CHN2: variants seen among roughly 807,000 people sequenced by gnomAD.
The protein encoded by CHN2 is beta-chimaerin.
A neutral mutation model predicts 56.3 loss-of-function variants in CHN2; 35 were observed. The observed-to-expected ratio is 0.62, with a 90% confidence interval of 0.47 to 0.82. CHN2 has a LOEUF of 0.82. Ranked by LOEUF, CHN2 falls within the 40% of genes least tolerant of loss-of-function variation. CHN2 has a pLI of 0.00. For missense variants in CHN2, 491 were observed against 580.5 expected (o/e 0.85, Z 1.58); for synonymous variants, 210 against 212.8 (o/e 0.99, Z 0.12).
At chr7:29,221,057 A>C (rs1785755231) in intron 1 of CHN2, among the ~76,000 whole-genome samples, 1 of 152,218 alleles carries the variant, frequency 6.6e-6, no homozygotes, top group Non-Finnish European at 1.5e-5. Flanking sequence ...TTGATTCCGC[A>C]CTTGGTTATA....
At chr7:29,287,526 G>A (rs1263186500) in intron 1 of CHN2, among the ~76,000 whole-genome samples, 1 of 152,190 alleles carries the variant, frequency 6.6e-6, no homozygotes, top group African/African-American at 2.4e-5. Flanking sequence ...GTGAGGGTCA[G>A]GTGAGTCATG....
chr7:29,417,353 T>A (rs1459436343), intron 6 of CHN2, among the ~76,000 whole-genome samples: 11 of 110,986 alleles, frequency 9.9e-5, no homozygotes, highest in Admixed American at 3.9e-4. Flanking sequence ...TTTTTTTTTT[T>A]AAGACAGAGT....
intron 2 of CHN2, among the ~76,000 whole-genome samples, chr7:29,364,138 C>G (rs982465425): frequency 7.9e-5 from 12 of 152,196 alleles, no homozygotes; most frequent in Admixed American, 6.5e-4. Flanking sequence ...GATAATGACA[C>G]AAAGTTATTT....
rs576428865 is a variant in CHN2, at chr7:29,338,959, A to G, written c.50-15666A>G. ...AAAGACTATTAATAAAGGCTAAGAT[A>G]TCTACATGATATCTGTCAAAATTAT... On this transcript the variant is annotated intron_variant, in intron 1 of 12. Coordinates refer to ENST00000222792, the MANE Select transcript of CHN2 (RefSeq NM_004067.4). Among the ~76,000 whole-genome samples the G allele has an allele frequency of 1.2e-4, 18 of 152,344 alleles. No homozygotes were observed. In the East Asian group the frequency reaches 1.5e-3, roughly 13 times the overall value.
intron 1 of CHN2, among the ~76,000 whole-genome samples, chr7:29,241,639 C>G (rs984398004): frequency 1.3e-5 from 2 of 152,046 alleles, no homozygotes; most frequent in Non-Finnish European, 2.9e-5. Flanking sequence ...GTGAGAGTCA[C>G]ACTTTTCCTT....
At chr7:29,199,287 C>G (rs975106765) in intron 1 of CHN2, among the ~76,000 whole-genome samples, 1 of 152,168 alleles carries the variant, frequency 6.6e-6, no homozygotes, top group African/African-American at 2.4e-5. Context: ...TTATGTATGT[C>G]TAACTAGAAA....
chr7:29,270,571 C>T (rs931794460), intron 1 of CHN2, among the ~76,000 whole-genome samples: 13 of 150,666 alleles, frequency 8.6e-5, no homozygotes, highest in African/African-American at 1.7e-4. Flanking sequence ...GGTTGAGGCA[C>T]GAGAATCACT....
intron 1 of CHN2, among the ~76,000 whole-genome samples, chr7:29,217,065 A>G (rs528207816): frequency 2.6e-4 from 40 of 152,344 alleles, no homozygotes; most frequent in South Asian, 1.4e-3. Context: ...TATATGCAGC[A>G]TTTTACAGAA....
At chr7:29,207,929 C>T (rs2269904) in intron 1 of CHN2, among the ~76,000 whole-genome samples, 3,712 of 152,242 alleles carry the variant, frequency 0.024, 299 homozygotes, top group East Asian at 0.19. Context: ...AGAAAAAATG[C>T]ATTTGATCAG....
chr7:29,209,117 C>G lies in CHN2; in HGVS notation c.49+14127C>G, dbSNP rs3793322. ...CAATCACTGGCAAGGGAATAGGATT[C>G]CCTGGATGTACTTAGTCCAGTTGTG... On this transcript the variant is annotated intron_variant, in intron 1 of 12. Coordinates refer to ENST00000222792, the MANE Select transcript of CHN2 (RefSeq NM_004067.4). 3.5e-5 allele frequency: 5 copies of G among 141,908 alleles called. No homozygotes were observed. In the East Asian group the frequency reaches 1.2e-3, roughly 33 times the overall value. The allele number at this position is 141,908 out of a possible 1,614,324, so 8.8% of individuals were successfully genotyped here.
chr7:29,459,720 A>G (rs1785014416), intron 6 of CHN2, among the ~76,000 whole-genome samples: 1 of 152,136 alleles, frequency 6.6e-6, no homozygotes, highest in Non-Finnish European at 1.5e-5. Context: ...ATCAGCCTGC[A>G]CCCTAGCAGG....
intron 6 of CHN2, among the ~76,000 whole-genome samples, chr7:29,444,315 T>C (rs1783881316): frequency 1.3e-5 from 2 of 152,228 alleles, no homozygotes; most frequent in African/African-American, 4.8e-5. Flanking sequence ...CAAAATGTAG[T>C]GACTTTAAAC....
At chr7:29,406,322 C>T (rs1363594587) in intron 6 of CHN2, among the ~76,000 whole-genome samples, 1 of 152,144 alleles carries the variant, frequency 6.6e-6, no homozygotes, top group East Asian at 1.9e-4. Flanking sequence ...AGCTGATCAC[C>T]TTCTCAGGAG....
chr7:29,189,096 G>A (rs1290290160), intron 2 of CHN2, among the ~76,000 whole-genome samples: 3 of 151,766 alleles, frequency 2.0e-5, no homozygotes, highest in African/African-American at 4.8e-5. Flanking sequence ...CATTACAGGC[G>A]CACACCATCA....
chr7:29,493,356 C>T (rs1340063438), intron 7 of CHN2, among the ~76,000 whole-genome samples: 1 of 152,266 alleles, frequency 6.6e-6, no homozygotes, highest in East Asian at 1.9e-4. Context: ...ATGCTTTTCT[C>T]AGAATGTAGC....
intron 1 of CHN2, among the ~76,000 whole-genome samples, chr7:29,350,140 G>A (rs770109818): frequency 2.6e-5 from 4 of 152,098 alleles, no homozygotes; most frequent in Non-Finnish European, 4.4e-5. Flanking sequence ...GCCTGGCAAG[G>A]ATGAATGATG....
chr7:29,389,949 G>A (rs1205406391), intron 3 of CHN2, among the ~76,000 whole-genome samples: 1 of 151,724 alleles, frequency 6.6e-6, no homozygotes, highest in Non-Finnish European at 1.5e-5. Context: ...AGCTACTCAG[G>A]AGGCTGAGAC....
At chr7:29,158,528 G>A (rs1794741127) in intron 2 of CHN2, among the ~76,000 whole-genome samples, 1 of 36,714 alleles carries the variant, frequency 2.7e-5, no homozygotes, top group African/African-American at 1.0e-4. Context: ...TAGTCTTTAT[G>A]TGATAATATT....
chr7:29,340,414 A>G (rs892856858), intron 1 of CHN2, among the ~76,000 whole-genome samples: 4 of 152,014 alleles, frequency 2.6e-5, no homozygotes, highest in Admixed American at 6.6e-5. Context: ...GGGGGCCTCA[A>G]TATTTAGCAG....
Sources: gnomAD v4.1 joint callset for allele counts (sites outside exome capture counted in the v4.1 genomes callset) on GRCh38, gnomAD v4.1.1 for gene constraint, MANE v1.5 for transcripts, NCBI Gene and HGNC (gene_info 2026-07-23, HGNC 2026-07-21) for gene names.